NKAIN2: variants seen among roughly 807,000 people sequenced by gnomAD.
NKAIN2 encodes the protein sodium/potassium-transporting ATPase subunit beta-1-interacting protein 2.
Under a neutral mutation model 32.6 loss-of-function variants are expected in NKAIN2, and 14 were observed. The ratio of observed to expected loss-of-function variants is 0.43; its 90% confidence interval spans 0.28 to 0.67. NKAIN2 has a LOEUF of 0.67. Among genes scored for constraint, NKAIN2 ranks in the 30% least tolerant of loss-of-function variants. NKAIN2 has a pLI of 0.17. For missense variants in NKAIN2, 198 were observed against 258.3 expected, an observed-to-expected ratio of 0.77 and a Z score of 1.60; for synonymous variants, 80 against 87.2, an observed-to-expected ratio of 0.92 and a Z score of 0.46.
intron 2 of NKAIN2, among the ~76,000 whole-genome samples, chr6:124,298,849 TTGAG>T (rs368226397): frequency 4.6e-5 from 7 of 152,236 alleles, no homozygotes; most frequent in Middle Eastern, 3.4e-3. Flanking sequence ...GCTACAGGAC[TTGAG>T]TGAAGCCCTC....
chr6:124,094,566 A>C (rs1372561798), intron 1 of NKAIN2, among the ~76,000 whole-genome samples: 1 of 152,118 alleles, frequency 6.6e-6, no homozygotes, highest in Non-Finnish European at 1.5e-5. Flanking sequence ...AGAGATCAGT[A>C]ATTTGTTAGA....
chr6:124,055,806 T>C (rs779305925), intron 1 of NKAIN2, among the ~76,000 whole-genome samples: 2 of 152,056 alleles, frequency 1.3e-5, no homozygotes. Context: ...TTTGTATGTA[T>C]TTTAGGAAAT....
chr6:124,386,579 C>T (rs565722276), intron 3 of NKAIN2, among the ~76,000 whole-genome samples: 26 of 152,228 alleles, frequency 1.7e-4, no homozygotes, highest in Admixed American at 1.1e-3. Context: ...GCAGCTGATC[C>T]GGGCGCAATG....
intron 4 of NKAIN2, among the ~76,000 whole-genome samples, chr6:124,762,435 C>T (rs1230478529): frequency 1.3e-5 from 2 of 152,084 alleles, no homozygotes; most frequent in South Asian, 2.1e-4. Context: ...AGGGCTTCCA[C>T]ATTTGAATTT....
intron 1 of NKAIN2, among the ~76,000 whole-genome samples, chr6:123,820,776 G>C (rs1448194964): frequency 6.6e-6 from 1 of 152,138 alleles, no homozygotes; most frequent in Non-Finnish European, 1.5e-5. Flanking sequence ...CCAACATTTT[G>C]CTATTTAGCC....
intron 1 of NKAIN2, among the ~76,000 whole-genome samples, chr6:124,024,366 TAACG>T: frequency 6.6e-6 from 1 of 152,120 alleles, no homozygotes; most frequent in East Asian, 1.9e-4. Context: ...TTAGAATGCA[TAACG>T]TGAATTTTAG....
chr6:124,481,178 T>C (rs1777432581), intron 3 of NKAIN2, among the ~76,000 whole-genome samples: 1 of 150,566 alleles, frequency 6.6e-6, no homozygotes, highest in Non-Finnish European at 1.5e-5. Flanking sequence ...TACTTTTTTT[T>C]TTTTTTTTTT....
intron 1 of NKAIN2, among the ~76,000 whole-genome samples, chr6:124,267,482 A>T (rs1049262009): frequency 1.7e-5 from 1 of 59,958 alleles, no homozygotes; most frequent in African/African-American, 1.7e-4. Context: ...CCATGTCTCT[A>T]AAAAAAAAAA....
intron 1 of NKAIN2, among the ~76,000 whole-genome samples, chr6:124,181,828 C>A (rs909776531): frequency 1.3e-5 from 2 of 152,190 alleles, no homozygotes; most frequent in African/African-American, 4.8e-5. Context: ...TTCAACAAGT[C>A]TCTAAGAAGC....
chr6:124,715,880 T>C (rs1315336054), intron 4 of NKAIN2, among the ~76,000 whole-genome samples: 4 of 152,170 alleles, frequency 2.6e-5, no homozygotes, highest in African/African-American at 7.2e-5. Flanking sequence ...GTTAAGGAAA[T>C]GTGGTTGATA....
chr6:124,206,554 TC>T (rs1231958974), intron 1 of NKAIN2, among the ~76,000 whole-genome samples: 1 of 151,914 alleles, frequency 6.6e-6, no homozygotes, highest in Admixed American at 6.6e-5. Context: ...TACTGAGTAT[TC>T]TAATATTTTT....
At chr6:124,395,403 A>T (rs1773333869) in intron 3 of NKAIN2, among the ~76,000 whole-genome samples, 1 of 152,202 alleles carries the variant, frequency 6.6e-6, no homozygotes, top group Non-Finnish European at 1.5e-5. Context: ...ATTTATGGTT[A>T]TAAGTGGATA....
At chr6:124,628,270 A>T (rs371771608) in intron 3 of NKAIN2, among the ~76,000 whole-genome samples, 1 of 151,506 alleles carries the variant, frequency 6.6e-6, no homozygotes, top group Non-Finnish European at 1.5e-5. Flanking sequence ...ACCTTTAAGT[A>T]TTTTTTTTTA....
At chr6:123,855,702 A>G (rs1775532212) in intron 1 of NKAIN2, among the ~76,000 whole-genome samples, 1 of 152,214 alleles carries the variant, frequency 6.6e-6, no homozygotes, top group Admixed American at 6.5e-5. Flanking sequence ...TGCATTAAGG[A>G]GGCAGTTCCT....
In NKAIN2 at chr6:124,091,296, CTA is replaced by C. The variant is rs531336138; in HGVS notation, c.55-191707_55-191706del. Among the ~76,000 whole-genome samples, 91 of 151,988 alleles carry C rather than the reference CTA, an allele frequency of 6.0e-4. 1 individual carries two copies. The highest frequency in any genetic ancestry group is 2.1e-3 in the African/African-American group (89 of 41,508). Reference sequence around the variant, plus strand: ...TCATTACAGCAGGCACATGAAAACACTATGTCAGAACTGGAAAGAGTAACATA... The same window carrying C: ...TCATTACAGCAGGCACATGAAAACACTGTCAGAACTGGAAAGAGTAACATA... On this transcript the variant is annotated intron_variant, in intron 1 of 6. Transcript: ENST00000368417.
chr6:124,679,857 T>C (rs1773534275), intron 4 of NKAIN2, among the ~76,000 whole-genome samples: 1 of 152,168 alleles, frequency 6.6e-6, no homozygotes, highest in Non-Finnish European at 1.5e-5. Flanking sequence ...AAAGTAGAAG[T>C]AGTGACCATT....
chr6:123,810,005 A>G (rs989045650), intron 1 of NKAIN2, among the ~76,000 whole-genome samples: 2 of 152,184 alleles, frequency 1.3e-5, no homozygotes, highest in African/African-American at 4.8e-5. Flanking sequence ...GCATTTAAAA[A>G]TCTAGTTTTA....
intron 1 of NKAIN2, among the ~76,000 whole-genome samples, chr6:124,090,667 ATTACT>A (rs1388342067): frequency 1.3e-5 from 2 of 152,024 alleles, no homozygotes; most frequent in African/African-American, 2.4e-5. Flanking sequence ...AACTAAACAA[ATTACT>A]TTACTTTTCT....
intron 1 of NKAIN2, among the ~76,000 whole-genome samples, chr6:123,991,966 T>TA (rs200502883): frequency 6.6e-6 from 1 of 151,274 alleles, no homozygotes; most frequent in Non-Finnish European, 1.5e-5. Context: ...TTGGCTAGGT[T>TA]AAAAAAAAAG....
Sources: gnomAD v4.1 joint callset for allele counts (sites outside exome capture counted in the v4.1 genomes callset) on GRCh38, gnomAD v4.1.1 for gene constraint, MANE v1.5 for transcripts, NCBI Gene and HGNC (gene_info 2026-07-23, HGNC 2026-07-21) for gene names.